Variants in DOCK1 observed in about 807,000 individuals in gnomAD.
DOCK1 encodes dedicator of cytokinesis 1, also known as dedicator of cytokinesis protein 1.
Under a neutral mutation model 262.7 loss-of-function variants are expected in DOCK1, and 138 were observed. The observed-to-expected ratio is 0.53, with a 90% confidence interval of 0.46 to 0.61. The LOEUF is 0.61. Ranked by LOEUF, DOCK1 falls within the 20% of genes least tolerant of loss-of-function variation. The pLI, the probability that DOCK1 is intolerant of heterozygous loss-of-function variation, is 0.00. For missense variants in DOCK1, 1,908 were observed against 2,370.7 expected, an observed-to-expected ratio of 0.80 and a Z score of 4.05; for synonymous variants, 866 against 867.4, an observed-to-expected ratio of 1.00 and a Z score of 0.03.
intron 27 of DOCK1, among the ~76,000 whole-genome samples, chr10:127,243,579 C>T (rs1480269920): frequency 6.6e-6 from 1 of 152,106 alleles, no homozygotes; most frequent in East Asian, 1.9e-4. Flanking sequence ...ATCAACCTAC[C>T]TAGTGAAATG....
At chr10:127,227,532 T>C (rs2058688841) in intron 27 of DOCK1, among the ~76,000 whole-genome samples, 1 of 152,196 alleles carries the variant, frequency 6.6e-6, no homozygotes, top group Non-Finnish European at 1.5e-5. Flanking sequence ...GCACTTTAAC[T>C]GAAACATCTA....
intron 1 of DOCK1, among the ~76,000 whole-genome samples, chr10:126,927,732 C>T (rs920203346): frequency 9.2e-5 from 14 of 152,242 alleles, no homozygotes; most frequent in East Asian, 5.8e-4. Context: ...CCACCGCGCC[C>T]GGCCTGTCTT....
intron 29 of DOCK1, among the ~76,000 whole-genome samples, chr10:127,279,847 GTTT>G (rs145666071): frequency 0.012 from 1,801 of 151,976 alleles, 39 homozygotes; most frequent in African/African-American, 0.041. Context: ...GGCAATGTTT[GTTT>G]TATTCCATCA....
chr10:127,042,857 G>A, intron 20 of DOCK1, 143 bp downstream of exon 20: 1 of 947,534 alleles, frequency 1.1e-6, no homozygotes, highest in Non-Finnish European at 1.6e-6. Flanking sequence ...AATTGGGGTG[G>A]CAGATTTTTT....
chr10:127,346,303 A>G (rs1264569008), intron 31 of DOCK1, among the ~76,000 whole-genome samples: 1 of 152,220 alleles, frequency 6.6e-6, no homozygotes, highest in Non-Finnish European at 1.5e-5. Flanking sequence ...CAACATCAAG[A>G]CATGCACTAA....
At chr10:127,306,059 A>G (rs770104172) in intron 29 of DOCK1, among the ~76,000 whole-genome samples, 11 of 149,548 alleles carry the variant, frequency 7.4e-5, no homozygotes, top group Admixed American at 1.3e-4. Context: ...CTGTCACCCA[A>G]GCTGCAGTGC....
intron 1 of DOCK1, among the ~76,000 whole-genome samples, chr10:126,911,916 G>A: frequency 6.6e-6 from 1 of 152,192 alleles, no homozygotes; most frequent in Non-Finnish European, 1.5e-5. Context: ...TGGAATTTGT[G>A]TGTTAGTTGA....
intron 29 of DOCK1, among the ~76,000 whole-genome samples, chr10:127,274,027 C>T (rs548935439): frequency 6.6e-6 from 1 of 152,264 alleles, no homozygotes; most frequent in African/African-American, 2.4e-5. Flanking sequence ...ATGAGATACG[C>T]TTGGGGGTAA....
intron 29 of DOCK1, among the ~76,000 whole-genome samples, chr10:127,284,707 A>G (rs565538111): frequency 1.3e-5 from 2 of 152,306 alleles, no homozygotes; most frequent in African/African-American, 4.8e-5. Context: ...AGGTATTATC[A>G]TGTCACTGCA....
At chr10:126,927,726 C>T (rs1278836715) in intron 1 of DOCK1, among the ~76,000 whole-genome samples, 5 of 152,132 alleles carry the variant, frequency 3.3e-5, no homozygotes, top group East Asian at 1.9e-4. Flanking sequence ...TGTGAGCCAC[C>T]GCGCCCGGCC....
At chr10:127,087,398 C>T (rs1229268800) in intron 23 of DOCK1, among the ~76,000 whole-genome samples, 7 of 151,998 alleles carry the variant, frequency 4.6e-5, no homozygotes, top group Admixed American at 3.3e-4. Context: ...AAATTCATGC[C>T]GGGCTCAGAC....
chr10:127,254,524 C>T (rs7098722), intron 28 of DOCK1, among the ~76,000 whole-genome samples: 50,785 of 152,054 alleles, frequency 0.33, 9,767 homozygotes, highest in South Asian at 0.57. Context: ...CCACTACTGG[C>T]GATGCTGAAT....
At chr10:127,383,369 T>C (rs925834729) in intron 37 of DOCK1, among the ~76,000 whole-genome samples, 1 of 152,248 alleles carries the variant, frequency 6.6e-6, no homozygotes, top group African/African-American at 2.4e-5. Flanking sequence ...ATTTATTTTA[T>C]TGTGGTTACA....
At chr10:126,909,866 G>A (rs558581831) in intron 1 of DOCK1, among the ~76,000 whole-genome samples, 4 of 152,354 alleles carry the variant, frequency 2.6e-5, no homozygotes, top group Non-Finnish European at 5.9e-5. Context: ...TGACTTCTGT[G>A]TGCGGTTAAC....
At chr10:127,350,439 C>T (rs1261787015) in intron 31 of DOCK1, among the ~76,000 whole-genome samples, 2 of 152,136 alleles carry the variant, frequency 1.3e-5, no homozygotes, top group Non-Finnish European at 2.9e-5. Flanking sequence ...ATGCTCTTCC[C>T]TACCCTCTTC....
intron 10 of DOCK1, among the ~76,000 whole-genome samples, chr10:127,003,097 C>T (rs1178599465): frequency 1.3e-5 from 2 of 152,052 alleles, no homozygotes; most frequent in East Asian, 3.9e-4. Flanking sequence ...CCTGTGTGAA[C>T]CTGTGTGAAC....
intron 12 of DOCK1, among the ~76,000 whole-genome samples, chr10:127,017,510 GAC>G (rs1199136826): frequency 2.4e-5 from 3 of 127,284 alleles, no homozygotes; most frequent in Non-Finnish European, 5.1e-5. Flanking sequence ...GACACACACA[GAC>G]ACACACGTGT....
At chr10:126,915,680 TG>T (rs1564980101) in intron 1 of DOCK1, among the ~76,000 whole-genome samples, 1 of 152,234 alleles carries the variant, frequency 6.6e-6, no homozygotes, top group Non-Finnish European at 1.5e-5. Context: ...CTCGATCTCC[TG>T]ACCTCGTGAT....
At chr10:127,444,075 A>G in intron 49 of DOCK1, 51 bp from the exon 50 acceptor site, 1 of 1,546,058 alleles carries the variant, frequency 6.5e-7, no homozygotes, top group Non-Finnish European at 8.7e-7. Context: ...TGGAAACGCA[A>G]CTCAGCCCAT....
Sources: gnomAD v4.1 joint callset for allele counts (sites outside exome capture counted in the v4.1 genomes callset) on GRCh38, gnomAD v4.1.1 for gene constraint, MANE v1.5 for transcripts, NCBI Gene and HGNC (gene_info 2026-07-23, HGNC 2026-07-21) for gene names.